Variants in MCF2 observed in about 807,000 individuals in gnomAD.
MCF2 encodes proto-oncogene DBL.
MCF2 carries 44 observed loss-of-function variants against 82.5 expected under a neutral mutation model. That is an observed-to-expected ratio of 0.53 (90% confidence interval 0.42 to 0.69). The LOEUF (loss-of-function observed/expected upper bound fraction) is 0.69, where lower values mean the gene tolerates loss of function less well. Among genes scored for constraint, MCF2 ranks in the 30% least tolerant of loss-of-function variants. MCF2 has a pLI of 0.00. For missense variants in MCF2, 623 were observed against 663.1 expected, an observed-to-expected ratio of 0.94 and a Z score of 0.66; for synonymous variants, 217 against 224.9, an observed-to-expected ratio of 0.96 and a Z score of 0.32.
chrX:139,687,063 T>TACATAC (rs1556120509), intron 1 of MCF2, among the ~76,000 whole-genome samples: 5 of 105,678 alleles, frequency 4.7e-5, no homozygotes, highest in East Asian at 3.0e-4. Context: ...CACACACACA[T>TACATAC]ACACACACAC....
At position 139,588,873 on chromosome X, in the gene MCF2, T is replaced by C. The variant is rs777208574; in HGVS notation, c.2371-435A>G. Among the ~76,000 whole-genome samples the C allele has an allele frequency of 4.7e-5, 5 of 106,851 alleles. No individual in the cohort carries two copies. In the South Asian group the frequency reaches 2.1e-3, roughly 45 times the overall value. The allele number at this position is 106,851 out of a possible 115,157, so 92.8% of individuals were successfully genotyped here. ...TGAGCCTGGGAGGCAGAGGTTGAAG[T>C]GAGCCGAGATCACACCACTGCACTC... is the stretch of plus-strand genomic sequence containing the variant. On this transcript the variant is annotated intron_variant, in intron 20 of 24. Coordinates refer to ENST00000370576, the Ensembl canonical transcript of MCF2.
upstream of MCF2, chrX:139,646,680 G>T: frequency 2.6e-6 from 1 of 380,209 alleles, no homozygotes; most frequent in Non-Finnish European, 4.5e-6. Flanking sequence ...TAAGTCAGTT[G>T]GTTATTCACC....
chrX:139,642,579 G>A (rs1443294980), exon 1 of MCF2: 4 of 1,208,271 alleles, frequency 3.3e-6, no homozygotes, highest in Non-Finnish European at 4.5e-6. Flanking sequence ...GATGAAATAC[G>A]AGCTGCTTCT....
At chrX:139,633,482 C>A (rs189759799) in intron 1 of MCF2, among the ~76,000 whole-genome samples, 318 of 111,219 alleles carry the variant, frequency 2.9e-3, no homozygotes, top group Non-Finnish European at 5.2e-3. Flanking sequence ...TTTAAGGATA[C>A]CTTCCCCCAG....
chrX:139,699,900 A>G (rs1004538991), intron 1 of MCF2, among the ~76,000 whole-genome samples: 1 of 112,441 alleles, frequency 8.9e-6, no homozygotes, highest in Non-Finnish European at 1.9e-5. Context: ...TTAAAATTTC[A>G]AGCTAGAGAT....
At position 139,638,519 on chromosome X, in the gene MCF2, G is replaced by C. The variant is rs1933369259; in HGVS notation, c.51+3949C>G. Among the ~76,000 whole-genome samples, 3 of 111,428 alleles carry C rather than the reference G, an allele frequency of 2.7e-5. No homozygotes were observed. The Admixed American group carries it at 2.9e-4, about 11-fold the overall frequency. On this transcript the variant is annotated intron_variant, in intron 1 of 24. Transcript: ENST00000370576. ...TGAACTGGAGAACATTCAAAGCAGA[G>C]GGCACTCATAAGTCAGTTCACTCAT...
chrX:139,591,838 C>T (rs1034532340), intron 19 of MCF2, among the ~76,000 whole-genome samples: 5 of 109,129 alleles, frequency 4.6e-5, no homozygotes, highest in Non-Finnish European at 9.5e-5. Context: ...ACCTAAACAT[C>T]ATGCAATACA....
chrX:139,602,517 T>A lies in MCF2; in HGVS notation c.1744-19A>T. ...CATCCTTCTGTGATAAAAAACAAAT[T>A]CAAATGTATTACTAATTTGTGAATA... On this transcript the variant is annotated intron_variant, in intron 15 of 24. Transcript: ENST00000370576. 9.9e-7 allele frequency: 1 copy of A among 1,008,400 alleles called. No individual in the cohort carries two copies. The highest frequency in any genetic ancestry group is 2.0e-5 in the South Asian group (1 of 50,385). 83.1% of individuals were successfully genotyped at this position (1,008,400 alleles called of 1,213,427 possible).
chrX:139,656,127 T>C (rs1312569837), intron 1 of MCF2, among the ~76,000 whole-genome samples: 1 of 112,260 alleles, frequency 8.9e-6, no homozygotes, highest in East Asian at 2.8e-4. Context: ...AGTGGCGCGA[T>C]CTCGGCTCAC....
chrX:139,602,173 T>C (rs922911689), intron 16 of MCF2, among the ~76,000 whole-genome samples: 4 of 110,947 alleles, frequency 3.6e-5, no homozygotes, highest in Non-Finnish European at 7.6e-5. Flanking sequence ...AAGCATGTCA[T>C]TTGGAGCTAT....
intron 10 of MCF2, among the ~76,000 whole-genome samples, chrX:139,612,776 T>C (rs1447218047): frequency 8.9e-6 from 1 of 111,769 alleles, no homozygotes; most frequent in Non-Finnish European, 1.9e-5. Flanking sequence ...CAAAGCATGA[T>C]GTATAATAGA....
At chrX:139,677,191 T>C (rs1353490647) in intron 1 of MCF2, among the ~76,000 whole-genome samples, 2 of 111,068 alleles carry the variant, frequency 1.8e-5, no homozygotes, top group Admixed American at 9.6e-5. Flanking sequence ...CTGTGCATGC[T>C]CCCCTCCCAA....
intron 1 of MCF2, among the ~76,000 whole-genome samples, chrX:139,693,483 A>AACACACACACAC (rs67506907): frequency 1.0e-5 from 1 of 98,405 alleles, no homozygotes; most frequent in African/African-American, 3.7e-5. Context: ...GTAGGGGAGG[A>AACACACACACAC]ACACACACAC....
At chrX:139,587,856 C>T in intron 21 of MCF2, 68 bp from the exon 26 acceptor site, 2 of 606,520 alleles carry the variant, frequency 3.3e-6, no homozygotes, top group South Asian at 5.1e-5. Flanking sequence ...AGGCCAATGA[C>T]TTTCTCTCTC....
At chrX:139,700,748 T>C (rs1246291251) in intron 1 of MCF2, among the ~76,000 whole-genome samples, 1 of 112,271 alleles carries the variant, frequency 8.9e-6, no homozygotes, top group East Asian at 2.8e-4. Flanking sequence ...AATTAGTCTG[T>C]GTAGTTTGAA....
chrX:139,668,268 A>G (rs150332895), intron 1 of MCF2, among the ~76,000 whole-genome samples: 2,919 of 111,534 alleles, frequency 0.026, 100 homozygotes, highest in African/African-American at 0.09. Flanking sequence ...CAGCAATAAC[A>G]CCTCAGTCCC....
intron 10 of MCF2, 30 bp from the exon 15 acceptor site, chrX:139,610,368 A>C: frequency 9.3e-7 from 1 of 1,069,734 alleles, no homozygotes. Flanking sequence ...GAAGAATTTC[A>C]AACCAGAATT....
chrX:139,685,218 C>G (rs1459978375), intron 1 of MCF2, among the ~76,000 whole-genome samples: 1 of 110,939 alleles, frequency 9.0e-6, no homozygotes, highest in Non-Finnish European at 1.9e-5. Flanking sequence ...CAAATTATCT[C>G]TGTTTGCTGA....
intron 22 of MCF2, among the ~76,000 whole-genome samples, chrX:139,586,946 TAAAG>T (rs953028734): frequency 8.9e-6 from 1 of 111,966 alleles, no homozygotes; most frequent in Non-Finnish European, 1.9e-5. Flanking sequence ...CTCTGAAAGA[TAAAG>T]ACTTTATCTG....
Sources: allele counts gnomAD v4.1 joint callset (sites outside exome capture counted in the v4.1 genomes callset), GRCh38; gene constraint gnomAD v4.1.1; transcripts MANE v1.5; gene names NCBI Gene and HGNC (gene_info 2026-07-23, HGNC 2026-07-21).